Variants in IRAG2 observed in about 807,000 individuals in gnomAD.
IRAG2 encodes lymphoid restricted membrane protein.
IRAG2 carries 45 observed loss-of-function variants against 69.9 expected under a neutral mutation model. The ratio of observed to expected loss-of-function variants is 0.64; its 90% CI spans 0.51 to 0.83. The LOEUF (loss-of-function observed/expected upper bound fraction) is 0.83. Among genes scored for constraint, IRAG2 ranks in the 40% least tolerant of loss-of-function variants. IRAG2 has a pLI of 0.00. For synonymous variants in IRAG2, 193 were observed against 202.4 expected (o/e 0.95, Z 0.40); for missense variants, 520 against 587.0 (o/e 0.89, Z 1.18).
chr12:25,040,436 G>C lies in IRAG2; in HGVS notation c.2144+2299G>C, dbSNP rs1209672389. On this transcript the variant is annotated intron_variant, in intron 16 of 38. Transcript: ENST00000636465. ...GTGGAAGGATTGAGCCCAGGAGTTT[G>C]AGGCTACAGTGAGCTATAATTGTGC... Among the ~76,000 whole-genome samples, 14 of 152,258 alleles carry C rather than the reference G, an allele frequency of 9.2e-5. No homozygotes were observed. The East Asian group carries it at 2.1e-3, about 23-fold the overall frequency.
In IRAG2 at chr12:25,088,126, A is replaced by G. The variant is rs1413388010; in HGVS notation, c.342A>G (p.Ile114Met). ...AAGCCAAAGAGGAACCAGAAACAAT[A>G]GAAGAACATAAAAAAGAACATGCTT... ...NLEAKEEPET[I>M]EEHKKEHASG... is the part of the protein sequence containing the mutation. Residue 114 changes from isoleucine to methionine, a missense_variant, in exon 11 of 22, where the codon ATA (isoleucine) becomes ATG (methionine). Transcript: ENST00000556887. 6.2e-7 allele frequency: 1 copy of G among 1,613,516 alleles called. No individual in the cohort carries two copies. Among genetic ancestry groups the G allele is most frequent in the Non-Finnish European group, 8.5e-7 (1 of 1,179,424 alleles).
chr12:25,013,752 G>A (rs1944496206), intron 3 of IRAG2, among the ~76,000 whole-genome samples: 1 of 151,046 alleles, frequency 6.6e-6, no homozygotes, highest in Non-Finnish European at 1.5e-5. Flanking sequence ...ATCTATTCAT[G>A]TAGTATAATC....
Position 25,077,277 on chromosome 12 carries a change from A to AATATATATGATATATATATGAG in IRAG2, c.25-1946_25-1945insGATATATATGATATATATATGA. Among the ~76,000 whole-genome samples the AATATATATGATATATATATGAG allele has an allele frequency of 1.4e-4, 3 of 21,818 alleles. 1 individual carries two copies. The East Asian group carries it at 7.0e-3, about 51-fold the overall frequency. 14.3% of individuals were successfully genotyped at this position (21,818 alleles called of 152,430 possible). A position where few individuals can be genotyped will look rare whatever the true frequency, so the allele number is the denominator to read the frequency against. On this transcript the variant is annotated intron_variant, in intron 6 of 21. Coordinates refer to ENST00000556887, the MANE Select transcript of IRAG2 (RefSeq NM_001366544.2). ...TGATATATATATGAAATATATATGA[A>AATATATATGATATATATATGAG]ATATATATGATATATATATGAAATA...
Position 25,079,272 on chromosome 12 carries a change from A to G in IRAG2, c.53A>G (p.Glu18Gly), listed in dbSNP as rs761103874. Residue 18 changes from glutamate (E) to glycine (G), a missense_variant, in exon 7 of 22, where the codon GAG becomes GGG. Glu to Gly is a moderately conservative substitution (Grantham distance 98, BLOSUM62 -2). Transcript: ENST00000556887. ...AATGGTGTTGAACGCGTGTGTCCTG[A>G]GAGCCTGCTGCAGTCCAGGTTTGCT... is the stretch of plus-strand genomic sequence containing the variant. ...EENGVERVCP[E>G]SLLQSREYSS... 2 of 1,614,062 alleles carry G rather than the reference A, an allele frequency of 1.2e-6. No individual in the cohort carries two copies. Among genetic ancestry groups the G allele is most frequent in the East Asian group, 4.5e-5 (2 of 44,882 alleles).
intron 10 of IRAG2, among the ~76,000 whole-genome samples, chr12:25,084,567 GTA>G (rs750539583): frequency 1.8e-4 from 25 of 135,724 alleles, no homozygotes; most frequent in South Asian, 4.9e-4. Flanking sequence ...GTGTGTGTGT[GTA>G]TTATTGTTTT....
At chr12:25,047,568 T>A (rs532413503), upstream of IRAG2, among the ~76,000 whole-genome samples, 1 of 152,270 alleles carries the variant, frequency 6.6e-6, no homozygotes, top group Admixed American at 6.5e-5. Flanking sequence ...ATCACCTGGG[T>A]ATTAAGCCCA....
chr12:25,076,078 C>CA (rs200538560), intron 6 of IRAG2, among the ~76,000 whole-genome samples: 3,586 of 144,940 alleles, frequency 0.025, 147 homozygotes, highest in East Asian at 0.11. Flanking sequence ...GAAACCAGAT[C>CA]AAAAAAAAAA....
At chr12:25,050,046 T>A (rs1944829995), upstream of IRAG2, among the ~76,000 whole-genome samples, 1 of 144,812 alleles carries the variant, frequency 6.9e-6, no homozygotes, top group African/African-American at 2.6e-5. Flanking sequence ...TGGCGTTAGC[T>A]TGGGAGGTGG....
intron 16 of IRAG2, among the ~76,000 whole-genome samples, chr12:25,043,090 TCAA>T (rs954699047): frequency 7.9e-5 from 12 of 151,928 alleles, no homozygotes; most frequent in Non-Finnish European, 1.5e-4. Context: ...GCACATGAAT[TCAA>T]CAACAATACA....
intron 1 of IRAG2, among the ~76,000 whole-genome samples, chr12:25,059,664 C>CT (rs1394996774): frequency 6.6e-6 from 1 of 152,026 alleles, no homozygotes; most frequent in East Asian, 1.9e-4. Flanking sequence ...TAGAAATACT[C>CT]TTTTAAAAAT....
At chr12:25,010,595 T>G (rs187871567) in intron 2 of IRAG2, among the ~76,000 whole-genome samples, 1 of 152,376 alleles carries the variant, frequency 6.6e-6, no homozygotes, top group African/African-American at 2.4e-5. Flanking sequence ...ATTAAAAACT[T>G]TGAAGTTATT....
At chr12:25,036,922 A>T (rs1944706710) in intron 15 of IRAG2, among the ~76,000 whole-genome samples, 1 of 150,378 alleles carries the variant, frequency 6.6e-6, no homozygotes, top group African/African-American at 2.4e-5. Flanking sequence ...AATAAATAAG[A>T]TGATTTAATG....
In IRAG2 at chr12:25,105,298, G is replaced by A. The variant is rs562578775; in HGVS notation, c.1148+836G>A. On this transcript the variant is annotated intron_variant, in intron 20 of 21. Coordinates refer to ENST00000556887, the MANE Select transcript of IRAG2 (RefSeq NM_001366544.2). Reference sequence around the variant, plus strand: ...TCACTGTGTTAGCCAGGATGGTCTCGATCTCCTGACCTCGTGATCCGCCCG... The same window carrying A: ...TCACTGTGTTAGCCAGGATGGTCTCAATCTCCTGACCTCGTGATCCGCCCG... Among the ~76,000 whole-genome samples the A allele has an allele frequency of 2.0e-5, 3 of 151,992 alleles. No individual in the cohort carries two copies. In the East Asian group the frequency reaches 5.8e-4, roughly 30 times the overall value.
At chr12:25,077,155 C>T (rs11047815) in intron 6 of IRAG2, among the ~76,000 whole-genome samples, 1,583 of 95,844 alleles carry the variant, frequency 0.017, 43 homozygotes, top group African/African-American at 0.049. Flanking sequence ...AGGCGTGTGC[C>T]ACCGTGCCTT....
chr12:25,070,086 C>A (rs1418158376), intron 6 of IRAG2, among the ~76,000 whole-genome samples: 1 of 152,122 alleles, frequency 6.6e-6, no homozygotes, highest in Admixed American at 6.6e-5. Flanking sequence ...GTCCATCATT[C>A]TTCTTTCTTT....
At chr12:25,069,878 A>C (rs1314992362) in intron 6 of IRAG2, among the ~76,000 whole-genome samples, 2 of 152,200 alleles carry the variant, frequency 1.3e-5, no homozygotes, top group Admixed American at 1.3e-4. Context: ...GAGAGTAGTA[A>C]GGTATTAATT....
chr12:25,076,650 G>C lies in IRAG2; in HGVS notation c.25-2594G>C, dbSNP rs979836319. Reference sequence around the variant, plus strand: ...CCCATGATCTTGACAGGTACAAAATGAAGGCTTTTCTGACAAGTGTGTAGT... The same window carrying C: ...CCCATGATCTTGACAGGTACAAAATCAAGGCTTTTCTGACAAGTGTGTAGT... On this transcript the variant is annotated intron_variant, in intron 6 of 21. Transcript: ENST00000556887. 9 of 977,676 alleles carry C rather than the reference G, an allele frequency of 9.2e-6. No individual in the cohort carries two copies. In the African/African-American group the frequency reaches 1.6e-4, roughly 17 times the overall value. The allele number at this position is 977,676 out of a possible 1,614,324, so 60.6% of individuals were successfully genotyped here.
intron 6 of IRAG2, among the ~76,000 whole-genome samples, chr12:25,018,969 G>C (rs539314687): frequency 1.3e-5 from 2 of 152,294 alleles, no homozygotes; most frequent in East Asian, 3.9e-4. Flanking sequence ...TTTGTTTTCT[G>C]TATTAACCAT....
chr12:25,080,717 T>C (rs1947150093), intron 9 of IRAG2, among the ~76,000 whole-genome samples: 1 of 152,184 alleles, frequency 6.6e-6, no homozygotes, highest in Non-Finnish European at 1.5e-5. Context: ...TAAAATAGAA[T>C]AGCCACAAAA....
Sources: gnomAD v4.1 joint callset for allele counts (sites outside exome capture counted in the v4.1 genomes callset) on GRCh38, gnomAD v4.1.1 for gene constraint, MANE v1.5 for transcripts, NCBI Gene and HGNC (gene_info 2026-07-23, HGNC 2026-07-21) for gene names.